The following ABTB3 variants were observed in gnomAD, a reference collection of about 807,000 sequenced individuals.
ABTB3 encodes the protein ankyrin repeat and BTB domain containing 3.
At chr12:107,355,021 C>T in the ABTB3 span, among the ~76,000 whole-genome samples, 2 of 152,236 alleles carry the variant, frequency 1.3e-5, no homozygotes, top group Admixed American at 1.3e-4. Context: ...CATTCCATTG[C>T]ATGCATGTGC....
the ABTB3 span, among the ~76,000 whole-genome samples, chr12:107,637,120 A>C: frequency 6.6e-6 from 1 of 152,254 alleles, no homozygotes; most frequent in Admixed American, 6.5e-5. Flanking sequence ...CTCATGTGTC[A>C]GCCATTTTGC....
the ABTB3 span, among the ~76,000 whole-genome samples, chr12:107,388,973 A>T: frequency 7.7e-6 from 1 of 130,092 alleles, no homozygotes; most frequent in Non-Finnish European, 1.7e-5. Context: ...GAGGAAAAGC[A>T]TCAAGTTTAC....
At chr12:107,615,527 G>A in the ABTB3 span, among the ~76,000 whole-genome samples, 10 of 152,296 alleles carry the variant, frequency 6.6e-5, no homozygotes, top group African/African-American at 1.9e-4. Context: ...CCTTCCCTTA[G>A]GTGTGACCCC....
chr12:107,652,770 C>T, the ABTB3 span, among the ~76,000 whole-genome samples: 1 of 152,236 alleles, frequency 6.6e-6, no homozygotes, highest in Admixed American at 6.5e-5. Context: ...AGTGGGGAGA[C>T]TGGGCCCAAG....
the ABTB3 span, among the ~76,000 whole-genome samples, chr12:107,476,496 C>T: frequency 6.6e-6 from 1 of 151,990 alleles, no homozygotes; most frequent in Non-Finnish European, 1.5e-5. Flanking sequence ...TCGGTTTTGC[C>T]ATCTTCAAAA....
chr12:107,497,125 G>T, the ABTB3 span, among the ~76,000 whole-genome samples: 1 of 151,860 alleles, frequency 6.6e-6, no homozygotes. Flanking sequence ...TACCATCATC[G>T]TTACCTCCAC....
chr12:107,638,089 G>A, the ABTB3 span, among the ~76,000 whole-genome samples: 1 of 152,028 alleles, frequency 6.6e-6, no homozygotes, highest in Non-Finnish European at 1.5e-5. Context: ...AGTTCTGGGG[G>A]GAGTTTTTTA....
the ABTB3 span, among the ~76,000 whole-genome samples, chr12:107,403,463 C>T: frequency 6.6e-6 from 1 of 152,144 alleles, no homozygotes; most frequent in Non-Finnish European, 1.5e-5. Context: ...CAGGGAGTGC[C>T]TTCACCACTC....
the ABTB3 span, among the ~76,000 whole-genome samples, chr12:107,633,561 A>G: frequency 1.1e-4 from 17 of 152,298 alleles, no homozygotes; most frequent in African/African-American, 4.1e-4. Context: ...TCAAGCATGA[A>G]TGTGCATGGG....
the ABTB3 span, among the ~76,000 whole-genome samples, chr12:107,363,185 C>T: frequency 2.1e-4 from 32 of 152,234 alleles, no homozygotes; most frequent in Non-Finnish European, 4.7e-4. Flanking sequence ...TCTGCCCAGC[C>T]TTGTTCCCAT....
the ABTB3 span, among the ~76,000 whole-genome samples, chr12:107,619,662 C>T: frequency 6.6e-6 from 1 of 152,226 alleles, no homozygotes; most frequent in African/African-American, 2.4e-5. Flanking sequence ...GCATAAGTAG[C>T]GTGCGTAATA....
the ABTB3 span, among the ~76,000 whole-genome samples, chr12:107,536,728 C>T: frequency 6.6e-6 from 1 of 152,052 alleles, no homozygotes; most frequent in African/African-American, 2.4e-5. Context: ...GAAAAAATAA[C>T]AAATACTGGC....
the ABTB3 span, among the ~76,000 whole-genome samples, chr12:107,509,419 A>G: frequency 6.8e-6 from 1 of 146,016 alleles, no homozygotes; most frequent in Non-Finnish European, 1.5e-5. Context: ...TGAAAAGAAC[A>G]TAAAAATATT....
At chr12:107,598,228 C>T in the ABTB3 span, among the ~76,000 whole-genome samples, 2 of 152,206 alleles carry the variant, frequency 1.3e-5, no homozygotes, top group Non-Finnish European at 2.9e-5. Flanking sequence ...TTGCCAATTT[C>T]CATGGTGTAA....
the ABTB3 span, among the ~76,000 whole-genome samples, chr12:107,652,242 G>C: frequency 1.1e-4 from 16 of 152,368 alleles, 1 homozygote; most frequent in Middle Eastern, 3.4e-3. Context: ...CAGACCTACT[G>C]AATCAGAAAC....
At chr12:107,530,083 AG>A in the ABTB3 span, among the ~76,000 whole-genome samples, 12 of 152,290 alleles carry the variant, frequency 7.9e-5, no homozygotes, top group East Asian at 2.3e-3. Context: ...AATGAAGAAA[AG>A]GGCAATCAAA....
At chr12:107,426,824 G>T in the ABTB3 span, among the ~76,000 whole-genome samples, 1 of 152,056 alleles carries the variant, frequency 6.6e-6, no homozygotes, top group African/African-American at 2.4e-5. Context: ...CCAAGTCCTG[G>T]GGATTCTGTC....
chr12:107,516,235 T>A, the ABTB3 span, among the ~76,000 whole-genome samples: 1 of 151,936 alleles, frequency 6.6e-6, no homozygotes, highest in Non-Finnish European at 1.5e-5. Flanking sequence ...ATTCTTTTTT[T>A]TTTTATTTTT....
the ABTB3 span, among the ~76,000 whole-genome samples, chr12:107,529,179 GTGATGA>G: frequency 1.4e-5 from 2 of 142,006 alleles, no homozygotes; most frequent in Non-Finnish European, 3.1e-5. Flanking sequence ...GATGGTGATG[GTGATGA>G]TGATGGTGAT....
Sources: allele counts gnomAD v4.1 joint callset (sites outside exome capture counted in the v4.1 genomes callset), GRCh38; gene constraint gnomAD v4.1.1; transcripts MANE v1.5; gene names NCBI Gene and HGNC (gene_info 2026-07-23, HGNC 2026-07-21).